Variants in COL5A2 observed in about 807,000 individuals in gnomAD.
COL5A2 encodes collagen alpha-2(V) chain.
Under a neutral mutation model 208.2 loss-of-function variants are expected in COL5A2, and 23 were observed. The ratio of observed to expected loss-of-function variants is 0.11; its 90% CI spans 0.08 to 0.16. The LOEUF is 0.16. Ranked by LOEUF, COL5A2 falls within the 10% of genes least tolerant of loss-of-function variation. The pLI is 1.00. For synonymous variants in COL5A2, 625 were observed against 628.5 expected (o/e 0.99, Z 0.08); for missense variants, 1,590 against 1,956.4 (o/e 0.81, Z 3.53).
chr2:189,046,547 G>C (rs1685672000), intron 45 of COL5A2, among the ~76,000 whole-genome samples: 1 of 152,020 alleles, frequency 6.6e-6, no homozygotes, highest in Admixed American at 6.6e-5. Flanking sequence ...AAATAAAGAG[G>C]CTCCTTTTTA....
At chr2:189,405,950 A>C in the COL5A2 span, among the ~76,000 whole-genome samples, 1 of 152,210 alleles carries the variant, frequency 6.6e-6, no homozygotes, top group Non-Finnish European at 1.5e-5. Flanking sequence ...CCCGTTTTCT[A>C]TTTAAAGCAA....
At chr2:189,041,289 T>C (rs1161597043) in intron 50 of COL5A2, among the ~76,000 whole-genome samples, 2 of 152,212 alleles carry the variant, frequency 1.3e-5, no homozygotes, top group Admixed American at 1.3e-4. Flanking sequence ...AATATTGCCC[T>C]TGAGAGCAAA....
At chr2:189,433,831 A>C in the COL5A2 span, among the ~76,000 whole-genome samples, 1 of 152,238 alleles carries the variant, frequency 6.6e-6, no homozygotes, top group Non-Finnish European at 1.5e-5. Context: ...AACTCATTTT[A>C]TGAGGCCAGC....
chr2:189,258,739 G>A, the COL5A2 span, among the ~76,000 whole-genome samples: 5 of 152,236 alleles, frequency 3.3e-5, no homozygotes, highest in South Asian at 4.1e-4. Flanking sequence ...AAAAGAGGAA[G>A]GACAGGGAAC....
chr2:189,259,764 A>T, the COL5A2 span, among the ~76,000 whole-genome samples: 139 of 152,298 alleles, frequency 9.1e-4, 1 homozygote, highest in African/African-American at 3.2e-3. Flanking sequence ...CCTGGAAAGA[A>T]AAGTCAGGAT....
intron 1 of COL5A2, among the ~76,000 whole-genome samples, chr2:189,173,816 C>A (rs555223014): frequency 6.6e-6 from 1 of 151,986 alleles, no homozygotes; most frequent in Admixed American, 6.6e-5. Flanking sequence ...TTATATAATT[C>A]CAAGATTTGT....
At chr2:189,168,615 G>A (rs1688516683) in intron 1 of COL5A2, among the ~76,000 whole-genome samples, 1 of 152,032 alleles carries the variant, frequency 6.6e-6, no homozygotes, top group Non-Finnish European at 1.5e-5. Context: ...TCTACCTCAA[G>A]AGCAAATAAG....
the COL5A2 span, among the ~76,000 whole-genome samples, chr2:189,375,835 T>C: frequency 1.3e-5 from 2 of 152,230 alleles, no homozygotes; most frequent in Non-Finnish European, 2.9e-5. Context: ...TATATTAGCA[T>C]GTTAACAAAG....
the COL5A2 span, among the ~76,000 whole-genome samples, chr2:189,401,527 C>T: frequency 6.6e-6 from 1 of 152,018 alleles, no homozygotes; most frequent in Non-Finnish European, 1.5e-5. Context: ...AGTGAACATA[C>T]GGGTGCATGT....
At chr2:189,165,546 G>A (rs545779612) in intron 1 of COL5A2, among the ~76,000 whole-genome samples, 34 of 152,236 alleles carry the variant, frequency 2.2e-4, no homozygotes, top group African/African-American at 7.7e-4. Context: ...CATTCTAAAA[G>A]TACTAATAAC....
At chr2:189,042,877 G>A in intron 48 of COL5A2, 104 bp from the exon 49 acceptor site, 1 of 1,121,696 alleles carries the variant, frequency 8.9e-7, no homozygotes. Flanking sequence ...GAACTACTTT[G>A]ATAAAGTCAC....
intron 1 of COL5A2, among the ~76,000 whole-genome samples, chr2:189,186,977 G>C (rs1688861305): frequency 6.6e-6 from 1 of 151,776 alleles, no homozygotes; most frequent in Admixed American, 6.6e-5. Context: ...TTATATTTTA[G>C]CTTAGTCATA....
At chr2:189,235,111 T>C in the COL5A2 span, among the ~76,000 whole-genome samples, 1 of 151,752 alleles carries the variant, frequency 6.6e-6, no homozygotes, top group Admixed American at 6.6e-5. Context: ...ATGTCACATA[T>C]ATCAATTTGG....
chr2:189,275,601 G>A, the COL5A2 span, among the ~76,000 whole-genome samples: 15 of 151,760 alleles, frequency 9.9e-5, no homozygotes, highest in African/African-American at 3.6e-4. Context: ...TTACAGGCAC[G>A]CGCCACCACC....
intron 1 of COL5A2, among the ~76,000 whole-genome samples, chr2:189,146,271 T>A (rs1187619096): frequency 1.3e-5 from 2 of 152,116 alleles, no homozygotes; most frequent in Admixed American, 6.6e-5. Flanking sequence ...AACTAAAAAA[T>A]ATGAACCTTA....
At chr2:189,133,560 C>A (rs909303474) in intron 1 of COL5A2, among the ~76,000 whole-genome samples, 7 of 152,094 alleles carry the variant, frequency 4.6e-5, no homozygotes, top group African/African-American at 1.7e-4. Flanking sequence ...GGCATGAAGT[C>A]TTTTCCTTTG....
intron 9 of COL5A2, among the ~76,000 whole-genome samples, chr2:189,086,430 T>C (rs956470908): frequency 6.6e-6 from 1 of 152,190 alleles, no homozygotes; most frequent in Non-Finnish European, 1.5e-5. Flanking sequence ...ATTGTGAACA[T>C]TTTCATGACA....
At chr2:189,174,580 A>G (rs1325338640) in intron 1 of COL5A2, among the ~76,000 whole-genome samples, 9 of 152,238 alleles carry the variant, frequency 5.9e-5, no homozygotes, top group Non-Finnish European at 1.0e-4. Flanking sequence ...TGGTTCACCA[A>G]TGTAAATCAG....
At chr2:189,189,040 T>A (rs529424870) in intron 1 of COL5A2, among the ~76,000 whole-genome samples, 1 of 152,318 alleles carries the variant, frequency 6.6e-6, no homozygotes, top group East Asian at 1.9e-4. Flanking sequence ...GAAAGGAGTT[T>A]TTTTATAAAT....
Sources: allele counts gnomAD v4.1 joint callset (sites outside exome capture counted in the v4.1 genomes callset), GRCh38; gene constraint gnomAD v4.1.1; transcripts MANE v1.5; gene names NCBI Gene and HGNC (gene_info 2026-07-23, HGNC 2026-07-21).